The following CTNNA2 variants were observed in gnomAD, a reference collection of about 807,000 sequenced individuals.
CTNNA2 encodes the protein catenin alpha-2.
A neutral mutation model predicts 101.0 loss-of-function variants in CTNNA2; 42 were observed. That is an observed-to-expected ratio of 0.42 (90% CI 0.32 to 0.54). The LOEUF (loss-of-function observed/expected upper bound fraction) is 0.54. CTNNA2 is among the 20% of genes least tolerant of loss of function. CTNNA2 has a pLI of 0.14. For missense variants in CTNNA2, 871 were observed against 1,223.1 expected, an observed-to-expected ratio of 0.71 and a Z score of 4.29; for synonymous variants, 450 against 456.4, an observed-to-expected ratio of 0.99 and a Z score of 0.18.
chr2:79,224,888 T>C, intron 2 of CTNNA2, among the ~76,000 whole-genome samples: 1 of 151,884 alleles, frequency 6.6e-6, no homozygotes, highest in South Asian at 2.1e-4. Flanking sequence ...TATATATATA[T>C]GGACTCATAT....
intron 3 of CTNNA2, among the ~76,000 whole-genome samples, chr2:79,745,445 T>A (rs1039939072): frequency 1.7e-4 from 25 of 150,480 alleles, no homozygotes; most frequent in African/African-American, 4.9e-4. Flanking sequence ...AAAAAAAAAA[T>A]AAAATAAAAA....
intron 7 of CTNNA2, among the ~76,000 whole-genome samples, chr2:80,239,638 G>T (rs968972938): frequency 2.6e-5 from 4 of 151,980 alleles, no homozygotes; most frequent in Non-Finnish European, 5.9e-5. Context: ...ATGGCCTGGC[G>T]TGGTGGCTCA....
At chr2:80,588,472 A>T (rs1386257310) in intron 14 of CTNNA2, among the ~76,000 whole-genome samples, 1 of 152,172 alleles carries the variant, frequency 6.6e-6, no homozygotes, top group Non-Finnish European at 1.5e-5. Context: ...ACATTTGCAA[A>T]TGACCACGAA....
intron 1 of CTNNA2, among the ~76,000 whole-genome samples, chr2:79,194,089 C>T (rs996771066): frequency 1.3e-5 from 2 of 152,162 alleles, no homozygotes; most frequent in Non-Finnish European, 2.9e-5. Context: ...TATTCGGAGG[C>T]ATGAACGTAA....
chr2:79,256,625 A>C (rs138147263), intron 2 of CTNNA2, among the ~76,000 whole-genome samples: 2 of 152,272 alleles, frequency 1.3e-5, no homozygotes, highest in African/African-American at 4.8e-5. Flanking sequence ...ATACTGAAAC[A>C]AGTTTGTATT....
chr2:79,200,666 A>G (rs1674022449), intron 2 of CTNNA2, among the ~76,000 whole-genome samples: 1 of 152,206 alleles, frequency 6.6e-6, no homozygotes, highest in Admixed American at 6.5e-5. Context: ...GAAAAAGCAA[A>G]CAAACAAACA....
At chr2:79,393,554 A>G (rs1162238250) in intron 4 of CTNNA2, among the ~76,000 whole-genome samples, 2 of 149,758 alleles carry the variant, frequency 1.3e-5, no homozygotes, top group Non-Finnish European at 3.0e-5. Flanking sequence ...CCAGCCACTC[A>G]TCTAGAGTAA....
At chr2:80,277,319 A>G (rs945079235) in intron 7 of CTNNA2, among the ~76,000 whole-genome samples, 1 of 152,114 alleles carries the variant, frequency 6.6e-6, no homozygotes. Context: ...GTCTCATTAC[A>G]TAGGCAGGAT....
chr2:80,115,675 C>T (rs1179342266), intron 7 of CTNNA2, among the ~76,000 whole-genome samples: 2 of 152,108 alleles, frequency 1.3e-5, no homozygotes, highest in African/African-American at 2.4e-5. Flanking sequence ...ATACATATAG[C>T]TTGTAGTATG....
chr2:80,436,846 C>T (rs1682086761), intron 9 of CTNNA2, among the ~76,000 whole-genome samples: 1 of 152,144 alleles, frequency 6.6e-6, no homozygotes, highest in African/African-American at 2.4e-5. Flanking sequence ...CCAAAGACCT[C>T]ACCTCTTAAT....
chr2:79,811,513 C>T (rs1677036679), intron 3 of CTNNA2, among the ~76,000 whole-genome samples: 1 of 151,988 alleles, frequency 6.6e-6, no homozygotes, highest in South Asian at 2.1e-4. Context: ...CGCCTTTTCA[C>T]CTTTTCTAAA....
intron 9 of CTNNA2, among the ~76,000 whole-genome samples, chr2:80,431,228 G>T (rs888786725): frequency 1.3e-5 from 2 of 152,168 alleles, no homozygotes; most frequent in Non-Finnish European, 2.9e-5. Flanking sequence ...AGAAGGAGGT[G>T]GAGTTCAACT....
At chr2:79,904,188 G>A (rs1685260856) in intron 6 of CTNNA2, among the ~76,000 whole-genome samples, 1 of 152,144 alleles carries the variant, frequency 6.6e-6, no homozygotes, top group Non-Finnish European at 1.5e-5. Context: ...TGTGCAAATT[G>A]CCATCATTCA....
In CTNNA2 at chr2:80,487,821, G is replaced by A. The variant is rs374124955; in HGVS notation, c.1291-57161G>A. Among the ~76,000 whole-genome samples the A allele has an allele frequency of 5.9e-5, 9 of 152,240 alleles. No individual in the cohort carries two copies. The East Asian group carries it at 1.4e-3, about 23-fold the overall frequency. On this transcript the variant is annotated intron_variant, in intron 9 of 18. Transcript: ENST00000402739. ...TCACTATGACCTGTGTCTCTTAGAC[G>A]CCAAACTAAGGCTCTTTCATCTACC...
intron 7 of CTNNA2, among the ~76,000 whole-genome samples, chr2:79,985,177 C>T (rs1374559899): frequency 6.6e-6 from 1 of 152,192 alleles, no homozygotes; most frequent in African/African-American, 2.4e-5. Flanking sequence ...GCCAACTCCT[C>T]CACTGCATCC....
At chr2:79,223,634 C>T (rs1020654273) in intron 2 of CTNNA2, among the ~76,000 whole-genome samples, 6 of 152,144 alleles carry the variant, frequency 3.9e-5, no homozygotes, top group African/African-American at 1.4e-4. Context: ...CCCCTATATC[C>T]ATCAATTGTT....
chr2:79,209,664 C>T (rs549641987), intron 2 of CTNNA2, among the ~76,000 whole-genome samples: 33 of 152,272 alleles, frequency 2.2e-4, no homozygotes, highest in Admixed American at 7.9e-4. Flanking sequence ...GTTAACCAGA[C>T]GCACCAGAAA....
At chr2:79,803,618 C>T (rs943018036) in intron 3 of CTNNA2, among the ~76,000 whole-genome samples, 5 of 152,224 alleles carry the variant, frequency 3.3e-5, no homozygotes, top group African/African-American at 1.2e-4. Flanking sequence ...TCCCATAAAC[C>T]CACAACCTTC....
intron 1 of CTNNA2, among the ~76,000 whole-genome samples, chr2:79,537,054 G>T (rs935807243): frequency 2.0e-5 from 3 of 152,046 alleles, no homozygotes; most frequent in Non-Finnish European, 4.4e-5. Flanking sequence ...TACCTCACTT[G>T]CCACTGTTTG....
Sources: gnomAD v4.1 joint callset for allele counts (sites outside exome capture counted in the v4.1 genomes callset) on GRCh38, gnomAD v4.1.1 for gene constraint, MANE v1.5 for transcripts, NCBI Gene and HGNC (gene_info 2026-07-23, HGNC 2026-07-21) for gene names.